CCBE1: variants seen among roughly 807,000 people sequenced by gnomAD.
CCBE1 encodes the protein collagen and calcium-binding EGF domain-containing protein 1.
CCBE1 carries 37 observed loss-of-function variants against 50.0 expected under a neutral mutation model. That is an observed-to-expected ratio of 0.74 (90% CI 0.57 to 0.97). CCBE1 has a LOEUF of 0.97. Among genes scored for constraint, CCBE1 ranks in the 50% least tolerant of loss-of-function variants. CCBE1 has a pLI of 0.00. For synonymous variants in CCBE1, 234 were observed against 203.7 expected (o/e 1.15, Z -1.27); for missense variants, 538 against 523.8 (o/e 1.03, Z -0.26).
rs1944979 is a variant in CCBE1, at chr18:59,618,608, G to A, written c.212+78021C>T. On this transcript the variant is annotated intron_variant, in intron 2 of 10. Transcript: ENST00000439986. ...TGCCACCAAACCCTGCTAATTTTTC[G>A]GTAGAGATGGGGTTTTGCCATGTTG... 5.2e-3 allele frequency among the ~76,000 whole-genome samples: 786 copies of A among 151,922 alleles called. 11 individuals are homozygous for A. Among genetic ancestry groups the A allele is most frequent in the African/African-American group, 0.018 (736 of 41,426 alleles).
At chr18:59,618,857 A>G (rs184495287) in intron 2 of CCBE1, among the ~76,000 whole-genome samples, 189 of 152,220 alleles carry the variant, frequency 1.2e-3, no homozygotes, top group Middle Eastern at 3.4e-3. Flanking sequence ...TTTAATAACT[A>G]TAATTATTGG....
At chr18:59,696,531 G>C in intron 2 of CCBE1, 98 bp downstream of exon 2, 1 of 1,589,542 alleles carries the variant, frequency 6.3e-7, no homozygotes, top group Non-Finnish European at 8.5e-7. Flanking sequence ...AAGCTGCTCC[G>C]GTCCCAAGCG....
At chr18:59,452,116 GT>G (rs1910966053) in intron 6 of CCBE1, among the ~76,000 whole-genome samples, 1 of 152,186 alleles carries the variant, frequency 6.6e-6, no homozygotes, top group Admixed American at 6.5e-5. Context: ...GTTTCCCATG[GT>G]TGGAATGTTG....
At chr18:59,502,051 G>A (rs189194479) in intron 2 of CCBE1, among the ~76,000 whole-genome samples, 2 of 152,080 alleles carry the variant, frequency 1.3e-5, no homozygotes, top group Admixed American at 6.6e-5. Flanking sequence ...CTCCCACCTC[G>A]GCCTCCCACC....
At chr18:59,697,500 T>TGGGGCTGGGGGGAAAATGAGGCTA (rs2054828381), upstream of CCBE1, 2 of 943,134 alleles carry the variant, frequency 2.1e-6, no homozygotes, top group East Asian at 5.4e-5. Flanking sequence ...CGGAATATTA[T>TGGGGCTGGGGGGAAAATGAGGCTA]GGGGCTGGGG....
At chr18:59,681,850 G>A (rs992869749) in intron 2 of CCBE1, among the ~76,000 whole-genome samples, 1 of 152,194 alleles carries the variant, frequency 6.6e-6, no homozygotes, top group Non-Finnish European at 1.5e-5. Flanking sequence ...TCCCTCAGTC[G>A]AGATGATCAC....
chr18:59,496,349 G>C (rs908305294), intron 2 of CCBE1, among the ~76,000 whole-genome samples: 25 of 152,232 alleles, frequency 1.6e-4, no homozygotes, highest in Admixed American at 3.3e-4. Context: ...TGTTTTTCCT[G>C]AAGTTGGCAA....
intron 2 of CCBE1, among the ~76,000 whole-genome samples, chr18:59,617,412 G>A (rs767370411): frequency 1.7e-4 from 26 of 152,130 alleles, no homozygotes; most frequent in Non-Finnish European, 3.4e-4. Context: ...CCCAGCCTAC[G>A]GCAAAGCCAT....
At chr18:59,483,502 AAATC>A (rs1258505034) in intron 2 of CCBE1, among the ~76,000 whole-genome samples, 1 of 152,236 alleles carries the variant, frequency 6.6e-6, no homozygotes, top group Non-Finnish European at 1.5e-5. Flanking sequence ...TGTATTGGTC[AAATC>A]AATTTGCTGC....
At chr18:59,682,372 G>A (rs2054601311) in intron 2 of CCBE1, among the ~76,000 whole-genome samples, 1 of 151,996 alleles carries the variant, frequency 6.6e-6, no homozygotes, top group Admixed American at 6.6e-5. Context: ...TAAGAAAAGA[G>A]ACCATGTCTC....
chr18:59,653,409 A>G lies in CCBE1; in HGVS notation c.212+43220T>C, dbSNP rs778078293. On this transcript the variant is annotated intron_variant, in intron 2 of 10. Coordinates refer to ENST00000439986, the MANE Select transcript of CCBE1 (RefSeq NM_133459.4). ...TTAATCCATCTGCCTGGCACAACCA[A>G]TATATCTGGGGACTCATCACTCACT... Among the ~76,000 whole-genome samples the G allele has an allele frequency of 6.6e-5, 10 of 152,218 alleles. 1 individual carries two copies. The highest frequency in any genetic ancestry group is 1.5e-4 in the Non-Finnish European group (10 of 68,056).
intron 2 of CCBE1, among the ~76,000 whole-genome samples, chr18:59,692,730 C>G (rs1367023650): frequency 6.6e-6 from 1 of 152,096 alleles, no homozygotes; most frequent in Admixed American, 6.6e-5. Flanking sequence ...TTTACATCCC[C>G]CATGTCACTA....
At chr18:59,479,886 T>C (rs1005365086) in intron 3 of CCBE1, among the ~76,000 whole-genome samples, 3 of 152,232 alleles carry the variant, frequency 2.0e-5, no homozygotes, top group African/African-American at 7.2e-5. Flanking sequence ...TTGGTTCTAA[T>C]TGTGTGTAAA....
At chr18:59,589,735 C>T (rs1599040026) in intron 2 of CCBE1, among the ~76,000 whole-genome samples, 1 of 139,732 alleles carries the variant, frequency 7.2e-6, no homozygotes, top group South Asian at 2.2e-4. Flanking sequence ...GGAGGCAGAG[C>T]TTGCAGTGAG....
At chr18:59,456,361 A>C (rs1568148792) in intron 5 of CCBE1, among the ~76,000 whole-genome samples, 1 of 152,352 alleles carries the variant, frequency 6.6e-6, no homozygotes, top group East Asian at 1.9e-4. Context: ...AAATAAAATC[A>C]GTTAAGATGA....
intron 2 of CCBE1, among the ~76,000 whole-genome samples, chr18:59,595,497 C>G (rs960284731): frequency 5.3e-5 from 8 of 152,196 alleles, no homozygotes; most frequent in Non-Finnish European, 1.0e-4. Flanking sequence ...TGAGACTGCT[C>G]ATTGTAAATT....
chr18:59,547,130 A>G (rs1915735240), intron 2 of CCBE1, among the ~76,000 whole-genome samples: 1 of 136,388 alleles, frequency 7.3e-6, no homozygotes, highest in Admixed American at 7.4e-5. Context: ...AGGAAAGGAG[A>G]GAGAGGGGAG....
intron 2 of CCBE1, among the ~76,000 whole-genome samples, chr18:59,509,931 G>A (rs1914058503): frequency 6.6e-6 from 1 of 152,166 alleles, no homozygotes; most frequent in African/African-American, 2.4e-5. Flanking sequence ...GCCAGGGAGG[G>A]GAGTGGCTGT....
intron 2 of CCBE1, among the ~76,000 whole-genome samples, chr18:59,672,801 G>A (rs1054007349): frequency 6.6e-6 from 1 of 152,176 alleles, no homozygotes; most frequent in Non-Finnish European, 1.5e-5. Flanking sequence ...TTTTATAAGT[G>A]GGAACTAAAC....
Sources: allele counts gnomAD v4.1 joint callset (sites outside exome capture counted in the v4.1 genomes callset), GRCh38; gene constraint gnomAD v4.1.1; transcripts MANE v1.5; gene names NCBI Gene and HGNC (gene_info 2026-07-23, HGNC 2026-07-21).